The following MIPOL1 variants were observed in gnomAD, a reference collection of about 807,000 sequenced individuals.
MIPOL1 encodes the protein mirror-image polydactyly 1.
A neutral mutation model predicts 60.9 loss-of-function variants in MIPOL1; 57 were observed. The observed-to-expected ratio is 0.94, with a 90% CI of 0.76 to 1.17. MIPOL1 has a LOEUF of 1.17. Ranked by LOEUF, MIPOL1 falls within the 50% of genes most tolerant of loss-of-function variation. MIPOL1 has a pLI of 0.00. For synonymous variants in MIPOL1, 179 were observed against 168.8 expected (o/e 1.06, Z -0.47); for missense variants, 551 against 511.6 (o/e 1.08, Z -0.74).
chr14:37,368,203 TTTTA>T (rs1254859401), intron 9 of MIPOL1, among the ~76,000 whole-genome samples: 3 of 152,086 alleles, frequency 2.0e-5, no homozygotes, highest in Non-Finnish European at 4.4e-5. Flanking sequence ...ATTATGGTTA[TTTTA>T]TTTATTTTTA....
intron 1 of MIPOL1, among the ~76,000 whole-genome samples, chr14:37,229,815 A>G (rs1432027588): frequency 6.6e-6 from 1 of 152,182 alleles, no homozygotes; most frequent in Non-Finnish European, 1.5e-5. Context: ...CATTAAAACT[A>G]TATATGTTAC....
intron 6 of MIPOL1, among the ~76,000 whole-genome samples, chr14:37,272,147 T>G: frequency 6.6e-6 from 1 of 151,548 alleles, no homozygotes; most frequent in South Asian, 2.1e-4. Flanking sequence ...AATAAAATAT[T>G]TATAGCATTC....
chr14:37,241,137 G>A (rs1972291424), intron 1 of MIPOL1, among the ~76,000 whole-genome samples: 1 of 152,124 alleles, frequency 6.6e-6, no homozygotes, highest in African/African-American at 2.4e-5. Context: ...CGACTACTGA[G>A]CTTGAGCCCC....
intron 9 of MIPOL1, among the ~76,000 whole-genome samples, chr14:37,325,845 T>C (rs997494603): frequency 2.0e-5 from 3 of 152,256 alleles, no homozygotes; most frequent in South Asian, 4.1e-4. Context: ...TCCCAGGCAG[T>C]ATAGCAGCCT....
chr14:37,295,508 G>A (rs2085553790), intron 7 of MIPOL1, among the ~76,000 whole-genome samples: 1 of 152,152 alleles, frequency 6.6e-6, no homozygotes, highest in Non-Finnish European at 1.5e-5. Flanking sequence ...GCACAGACTG[G>A]CAAGTTGGAT....
At chr14:37,422,823 A>G in intron 10 of MIPOL1, 32 bp from the exon 11 acceptor site, 1 of 1,411,480 alleles carries the variant, frequency 7.1e-7, no homozygotes. Context: ...CAAAATGAAT[A>G]CTGAATTTCT....
At chr14:37,431,577 T>C (rs2094067550) in intron 11 of MIPOL1, among the ~76,000 whole-genome samples, 1 of 107,402 alleles carries the variant, frequency 9.3e-6, no homozygotes, top group Admixed American at 1.0e-4. Context: ...TTCTTTTTTT[T>C]TTTTTTTTTT....
chr14:37,405,988 CTT>C (rs934031868), intron 10 of MIPOL1, among the ~76,000 whole-genome samples: 2 of 149,378 alleles, frequency 1.3e-5, no homozygotes, highest in African/African-American at 4.9e-5. Context: ...ACCTAAAAAA[CTT>C]TTTGATGAAT....
At chr14:37,339,534 A>G (rs2090423364) in intron 9 of MIPOL1, among the ~76,000 whole-genome samples, 1 of 152,214 alleles carries the variant, frequency 6.6e-6, no homozygotes, top group African/African-American at 2.4e-5. Flanking sequence ...ATAATATTCA[A>G]CTATTGAAAA....
At chr14:37,356,601 A>T (rs1440062781) in intron 9 of MIPOL1, among the ~76,000 whole-genome samples, 1 of 152,118 alleles carries the variant, frequency 6.6e-6, no homozygotes, top group East Asian at 1.9e-4. Flanking sequence ...GCGGGATATA[A>T]TCTCATGGTG....
At chr14:37,360,413 C>G (rs2092155598) in intron 9 of MIPOL1, among the ~76,000 whole-genome samples, 2 of 152,124 alleles carry the variant, frequency 1.3e-5, no homozygotes, top group Admixed American at 1.3e-4. Flanking sequence ...CCTCTTCGTA[C>G]CTCTGGTAGA....
At chr14:37,378,698 G>A (rs1233103068) in intron 10 of MIPOL1, among the ~76,000 whole-genome samples, 1 of 151,530 alleles carries the variant, frequency 6.6e-6, no homozygotes, top group Non-Finnish European at 1.5e-5. Flanking sequence ...GAAAAGAGAG[G>A]GAGGGACGGA....
In MIPOL1 at chr14:37,414,866, A is replaced by G. The variant is rs182925145; in HGVS notation, c.937-7989A>G. On this transcript the variant is annotated intron_variant, in intron 10 of 12. Transcript: ENST00000684589. ...AGTTGACTGAGAATAGTGTCTTAAA[A>G]ACACACTTGTAAAACAAGCAGAATG... 2.4e-4 allele frequency among the ~76,000 whole-genome samples: 37 copies of G among 152,228 alleles called. No homozygotes were observed. In the East Asian group the frequency reaches 6.8e-3, roughly 28 times the overall value.
At chr14:37,350,348 G>A (rs1389634834) in intron 9 of MIPOL1, among the ~76,000 whole-genome samples, 1 of 152,062 alleles carries the variant, frequency 6.6e-6, no homozygotes, top group Non-Finnish European at 1.5e-5. Context: ...AAGTGCTGGG[G>A]TTACAGGCAT....
At chr14:37,320,528 A>G (rs1431397122) in intron 9 of MIPOL1, among the ~76,000 whole-genome samples, 1 of 151,980 alleles carries the variant, frequency 6.6e-6, no homozygotes, top group Non-Finnish European at 1.5e-5. Context: ...TGTAATTTAT[A>G]TATATTTATA....
rs556918799 is a variant in MIPOL1, at chr14:37,369,379, TTTAC to T, written c.829-133_829-130del. ...TTTATTTATTGTATTTAACATTACT[TTTAC>T]TTACCATTCTTGTTGCAAAAAAAAA... is the stretch of plus-strand genomic sequence containing the variant. On this transcript the variant is annotated intron_variant, in intron 9 of 12. Coordinates refer to ENST00000684589, the MANE Select transcript of MIPOL1 (RefSeq NM_001388067.1). 5.1e-4 allele frequency: 233 copies of T among 455,970 alleles called. 1 individual carries two copies. Among genetic ancestry groups the T allele is most frequent in the African/African-American group, 4.9e-3 (218 of 44,826 alleles). 28.2% of individuals were successfully genotyped at this position (455,970 alleles called of 1,614,324 possible).
intron 1 of MIPOL1, among the ~76,000 whole-genome samples, chr14:37,217,337 C>T (rs1488124051): frequency 2.0e-5 from 3 of 152,098 alleles, no homozygotes; most frequent in Non-Finnish European, 4.4e-5. Context: ...AACTTAATAC[C>T]AATCCCACTC....
intron 10 of MIPOL1, among the ~76,000 whole-genome samples, chr14:37,394,911 G>C (rs1359026661): frequency 6.6e-6 from 1 of 152,164 alleles, no homozygotes; most frequent in Non-Finnish European, 1.5e-5. Flanking sequence ...TTGGATTTAA[G>C]TCCTTAATCC....
At chr14:37,305,370 AT>A (rs772535425) in intron 7 of MIPOL1, among the ~76,000 whole-genome samples, 1 of 151,956 alleles carries the variant, frequency 6.6e-6, no homozygotes, top group East Asian at 1.9e-4. Context: ...GTAAGAACTT[AT>A]GTTGAAATTC....
Sources: gnomAD v4.1 joint callset for allele counts (sites outside exome capture counted in the v4.1 genomes callset) on GRCh38, gnomAD v4.1.1 for gene constraint, MANE v1.5 for transcripts, NCBI Gene and HGNC (gene_info 2026-07-23, HGNC 2026-07-21) for gene names.